RHBDD1: variants seen among roughly 807,000 people sequenced by gnomAD.
The protein encoded by RHBDD1 is rhomboid-related protein 4.
RHBDD1 carries 38 observed loss-of-function variants against 36.3 expected under a neutral mutation model. That is an observed-to-expected ratio of 1.05 (90% CI 0.81 to 1.37). The LOEUF is 1.37. RHBDD1 is among the 40% of genes most tolerant of loss of function. The pLI is 0.00. For missense variants in RHBDD1, 393 were observed against 377.6 expected, an observed-to-expected ratio of 1.04 and a Z score of -0.34; for synonymous variants, 151 against 136.5, an observed-to-expected ratio of 1.11 and a Z score of -0.74.
chr2:226,933,303 A>G (rs909816905), intron 8 of RHBDD1, among the ~76,000 whole-genome samples: 1 of 152,134 alleles, frequency 6.6e-6, no homozygotes, highest in Non-Finnish European at 1.5e-5. Flanking sequence ...GGATCTGGGC[A>G]GCCTTTCATA....
chr2:226,933,100 A>G (rs1950131922), intron 8 of RHBDD1, among the ~76,000 whole-genome samples: 1 of 152,080 alleles, frequency 6.6e-6, no homozygotes, highest in Non-Finnish European at 1.5e-5. Flanking sequence ...ATCAGATCTC[A>G]TGAGACCTCA....
intron 8 of RHBDD1, among the ~76,000 whole-genome samples, chr2:226,958,000 G>T (rs1307186430): frequency 6.6e-6 from 1 of 152,108 alleles, no homozygotes; most frequent in African/African-American, 2.4e-5. Context: ...TCCTCAGAAG[G>T]TTAAACATAC....
rs1463629969 is a variant in RHBDD1 at position 226,913,838 on chromosome 2, A to G, written c.713-370A>G. 2.0e-5 allele frequency among the ~76,000 whole-genome samples: 3 copies of G among 152,208 alleles called. No individual in the cohort carries two copies. The East Asian group carries it at 5.8e-4, about 29-fold the overall frequency. The stretch of plus-strand genomic sequence containing the variant: ...TAAGGCTTTATTAGCTATTGTTTCC[A>G]CCATTCTCTTGACTCAAGCCAGGAC... On this transcript the variant is annotated intron_variant, in intron 7 of 8. Coordinates refer to ENST00000392062, the MANE Select transcript of RHBDD1 (RefSeq NM_001167608.3).
intron 8 of RHBDD1, among the ~76,000 whole-genome samples, chr2:226,941,354 G>A (rs937672822): frequency 6.6e-6 from 1 of 152,212 alleles, no homozygotes; most frequent in Non-Finnish European, 1.5e-5. Context: ...TTCTGGGCTT[G>A]ACTGCAAATG....
chr2:226,886,615 A>T (rs963519855), intron 5 of RHBDD1, among the ~76,000 whole-genome samples: 3 of 152,200 alleles, frequency 2.0e-5, no homozygotes, highest in Admixed American at 6.5e-5. Context: ...CTTCTCTAAA[A>T]ATACAGAATT....
At chr2:226,849,866 A>G (rs948895644) in intron 3 of RHBDD1, among the ~76,000 whole-genome samples, 1 of 152,166 alleles carries the variant, frequency 6.6e-6, no homozygotes, top group Non-Finnish European at 1.5e-5. Flanking sequence ...TTGAGAATAT[A>G]TATATTTTCT....
In RHBDD1 at chr2:226,909,933, A is replaced by G. The variant is rs141403006; in HGVS notation, c.712+1055A>G. ...GCCTTTTCTTTAAAGGACCGGACAG[A>G]TAATATTTCAGGCATCAAGGGCTTT... On this transcript the variant is annotated intron_variant, in intron 7 of 8. Transcript: ENST00000392062. Among the ~76,000 whole-genome samples the G allele has an allele frequency of 1.1e-3, 169 of 152,344 alleles. 1 individual carries two copies. Among genetic ancestry groups the G allele is most frequent in the African/African-American group, 3.8e-3 (159 of 41,578 alleles).
At chr2:226,861,157 C>G (rs1943815359) in intron 3 of RHBDD1, among the ~76,000 whole-genome samples, 1 of 152,068 alleles carries the variant, frequency 6.6e-6, no homozygotes, top group Non-Finnish European at 1.5e-5. Context: ...CCTGAGAAAT[C>G]AAAGCTGAAA....
the RHBDD1 span, among the ~76,000 whole-genome samples, chr2:226,813,721 CTTGTG>C: frequency 5.0e-3 from 760 of 152,256 alleles, 5 homozygotes; most frequent in African/African-American, 0.017. Flanking sequence ...ACAGATGATA[CTTGTG>C]TTATCAGTGC....
At chr2:226,909,730 G>T (rs934150771) in intron 7 of RHBDD1, among the ~76,000 whole-genome samples, 19 of 151,932 alleles carry the variant, frequency 1.3e-4, no homozygotes, top group African/African-American at 3.9e-4. Context: ...CCTGGAAGAG[G>T]GTCGTCACCA....
chr2:226,836,691 T>G (rs1163966079), intron 1 of RHBDD1, among the ~76,000 whole-genome samples: 5 of 152,212 alleles, frequency 3.3e-5, no homozygotes, highest in Admixed American at 6.5e-5. Context: ...TCAAAATGAA[T>G]GAGTGCCTGC....
chr2:226,838,974 C>T (rs958502760), intron 2 of RHBDD1, among the ~76,000 whole-genome samples: 1 of 152,138 alleles, frequency 6.6e-6, no homozygotes. Context: ...GACACTGTTA[C>T]AGGAAATGAG....
intron 8 of RHBDD1, among the ~76,000 whole-genome samples, chr2:226,958,058 CA>C (rs1951899661): frequency 6.6e-6 from 1 of 152,116 alleles, no homozygotes; most frequent in Non-Finnish European, 1.5e-5. Context: ...GAAATGAAAA[CA>C]TATACCTACA....
At chr2:226,927,446 C>T (rs1438367153) in intron 8 of RHBDD1, among the ~76,000 whole-genome samples, 2 of 151,816 alleles carry the variant, frequency 1.3e-5, no homozygotes, top group African/African-American at 4.8e-5. Context: ...AATTTACGTA[C>T]CGGAATTTGT....
the RHBDD1 span, among the ~76,000 whole-genome samples, chr2:226,805,659 C>T: frequency 1.3e-5 from 2 of 152,216 alleles, no homozygotes; most frequent in African/African-American, 4.8e-5. Flanking sequence ...TCTAAACTTT[C>T]TAAATTTAAA....
intron 8 of RHBDD1, among the ~76,000 whole-genome samples, chr2:226,981,977 C>T (rs1445880538): frequency 6.6e-6 from 1 of 152,234 alleles, no homozygotes; most frequent in Non-Finnish European, 1.5e-5. Context: ...TGGAGAAGCC[C>T]ACCCTGGTTT....
At chr2:226,885,078 A>C (rs1157494292) in intron 5 of RHBDD1, among the ~76,000 whole-genome samples, 1 of 152,182 alleles carries the variant, frequency 6.6e-6, no homozygotes, top group African/African-American at 2.4e-5. Context: ...TGTCTAACAT[A>C]AAAGCTTTAG....
At chr2:226,925,756 A>AT (rs2125806635) in intron 8 of RHBDD1, among the ~76,000 whole-genome samples, 1 of 152,338 alleles carries the variant, frequency 6.6e-6, no homozygotes, top group South Asian at 2.1e-4. Flanking sequence ...GCTGTTCAAA[A>AT]CATTCATTCA....
chr2:226,888,438 A>G (rs1946411189), intron 5 of RHBDD1, among the ~76,000 whole-genome samples: 1 of 151,872 alleles, frequency 6.6e-6, no homozygotes, highest in Admixed American at 6.6e-5. Context: ...ATTCAGTTTT[A>G]ATAATATTAG....
Sources: allele counts gnomAD v4.1 joint callset (sites outside exome capture counted in the v4.1 genomes callset), GRCh38; gene constraint gnomAD v4.1.1; transcripts MANE v1.5; gene names NCBI Gene and HGNC (gene_info 2026-07-23, HGNC 2026-07-21).